The following RGPD3 variants were observed in gnomAD, a reference collection of about 807,000 sequenced individuals.
RGPD3 encodes the protein ranBP2-like and GRIP domain-containing protein 3.
A neutral mutation model predicts 154.5 loss-of-function variants in RGPD3; 62 were observed. That is an observed-to-expected ratio of 0.40 (90% CI 0.33 to 0.50). The LOEUF (loss-of-function observed/expected upper bound fraction) is 0.50, where lower values mean the gene tolerates loss of function less well. Among genes scored for constraint, RGPD3 ranks in the 20% least tolerant of loss-of-function variants. The pLI is 0.59. For synonymous variants in RGPD3, 308 were observed against 607.0 expected (o/e 0.51, Z 7.24); for missense variants, 919 against 1,716.8 (o/e 0.54, Z 8.21).
Position 106,405,214 on chromosome 2 carries a change from G to A in RGPD3, c.*5C>T, listed in dbSNP as rs778899837. ...GGATGCCCATCCAGAAGAACGGGAA[G>A]CATTTTATTCCTCACCTTTGGAAAG... On this transcript the variant is annotated 3_prime_UTR_variant, in exon 23 of 23. Coordinates refer to ENST00000409886, the MANE Select transcript of RGPD3 (RefSeq NM_001144013.2). The A allele has an allele frequency of 3.9e-5, 62 of 1,609,282 alleles. No homozygotes were observed. The South Asian group carries it at 6.4e-4, about 16-fold the overall frequency.
At chr2:106,467,098 GC>G (rs1678637676) in intron 1 of RGPD3, among the ~76,000 whole-genome samples, 1 of 107,180 alleles carries the variant, frequency 9.3e-6, no homozygotes, top group Non-Finnish European at 2.0e-5. Flanking sequence ...CCGCCGCAGG[GC>G]CAGGTCGAGG....
chr2:106,468,112 C>G (rs1678696156), intron 1 of RGPD3, 105 bp downstream of exon 1: 3 of 1,424,888 alleles, frequency 2.1e-6, no homozygotes, highest in East Asian at 5.6e-5. Context: ...GGGAGCAGCG[C>G]TCGTCGGGAG....
At chr2:106,437,647 G>C (rs1389651504) in intron 9 of RGPD3, among the ~76,000 whole-genome samples, 3 of 152,144 alleles carry the variant, frequency 2.0e-5, no homozygotes, top group Admixed American at 2.0e-4. Flanking sequence ...CTGTTTATAG[G>C]TATCTCTATG....
intron 20 of RGPD3, among the ~76,000 whole-genome samples, chr2:106,421,648 C>T (rs1204066344): frequency 2.0e-5 from 3 of 152,100 alleles, no homozygotes; most frequent in African/African-American, 7.2e-5. Context: ...CTGTAGAATG[C>T]TGGCTGTTAA....
At chr2:106,414,882 G>A (rs1676777919) in intron 21 of RGPD3, among the ~76,000 whole-genome samples, 1 of 151,872 alleles carries the variant, frequency 6.6e-6, no homozygotes, top group African/African-American at 2.4e-5. Flanking sequence ...CAAAGTACAG[G>A]GGAAAAGCAT....
At chr2:106,422,061 T>A (rs1573250027) in intron 20 of RGPD3, among the ~76,000 whole-genome samples, 1 of 152,162 alleles carries the variant, frequency 6.6e-6, no homozygotes, top group East Asian at 1.9e-4. Context: ...ATACTGAGAA[T>A]GCTAGTTCTA....
Position 106,468,378 on chromosome 2 carries a change from A to C in RGPD3, c.-90T>G. 3 of 1,544,504 alleles carry C rather than the reference A, an allele frequency of 1.9e-6. No homozygotes were observed. The highest frequency in any genetic ancestry group is 2.6e-6 in the Non-Finnish European group (3 of 1,143,762). On this transcript the variant is annotated 5_prime_UTR_variant, in exon 1 of 23. Transcript: ENST00000409886. ...TCCAAGAGGAAAGCGCCTGAAAGCC[A>C]CTGAGGCAGCGGCGTAGCCGGCGGA...
chr2:106,467,095 A>C (rs1205888284), intron 1 of RGPD3, among the ~76,000 whole-genome samples: 623 of 61,740 alleles, frequency 0.01, no homozygotes, highest in South Asian at 0.013. Flanking sequence ...AGGCCGCCGC[A>C]GGGCCAGGTC....
At chr2:106,421,480 G>T (rs1453118549) in intron 20 of RGPD3, among the ~76,000 whole-genome samples, 1 of 151,150 alleles carries the variant, frequency 6.6e-6, no homozygotes, top group African/African-American at 2.4e-5. Flanking sequence ...CTTTATCATT[G>T]TACTTGTTTG....
chr2:106,425,158 T>A lies in RGPD3; in HGVS notation c.2809A>T (p.Ser937Cys). The A allele has an allele frequency of 1.2e-5, 20 of 1,611,932 alleles. No individual in the cohort carries two copies. Among genetic ancestry groups the A allele is most frequent in the Non-Finnish European group, 1.7e-5 (20 of 1,179,838 alleles). Residue 937 changes from serine (S) to cysteine (C), a missense_variant, in exon 20 of 23, where the codon AGT (serine) becomes TGT (cysteine). Ser to Cys is a moderately radical substitution (Grantham distance 112). Transcript: ENST00000409886. Reference protein sequence around the residue: ...ISEPGNQEKKSEKPLENDTGL... With the variant: ...ISEPGNQEKKCEKPLENDTGL... The stretch of plus-strand genomic sequence containing the variant: ...GTATCATTTTCAAGAGGCTTTTCAC[T>A]TTTCTTTTCTTGATTTCCTGGTTCC...
At chr2:106,446,872 C>G (rs1677955272) in intron 7 of RGPD3, among the ~76,000 whole-genome samples, 1 of 151,148 alleles carries the variant, frequency 6.6e-6, no homozygotes, top group Admixed American at 6.6e-5. Flanking sequence ...CAGAGAGAGA[C>G]TTGGTCTCAA....
chr2:106,440,269 G>A (rs1455518113), intron 8 of RGPD3, among the ~76,000 whole-genome samples: 3 of 103,666 alleles, frequency 2.9e-5, no homozygotes, highest in African/African-American at 7.7e-5. Context: ...TGGGTGAAGC[G>A]TATGGTATAC....
intron 22 of RGPD3, among the ~76,000 whole-genome samples, chr2:106,406,871 T>A (rs1025162178): frequency 2.0e-5 from 3 of 152,206 alleles, no homozygotes; most frequent in African/African-American, 4.8e-5. Context: ...AACTTTTACA[T>A]GGGGAAATTT....
upstream of RGPD3, chr2:106,470,790 C>G: frequency 1.3e-6 from 2 of 1,597,328 alleles, no homozygotes; most frequent in Non-Finnish European, 1.7e-6. Context: ...AACACCTAGT[C>G]CTTTTCTTAC....
At chr2:106,417,807 A>G (rs1436538578) in intron 20 of RGPD3, among the ~76,000 whole-genome samples, 1 of 151,530 alleles carries the variant, frequency 6.6e-6, no homozygotes, top group Non-Finnish European at 1.5e-5. Context: ...TGAAAGGTGT[A>G]TGAAGAATTG....
chr2:106,404,819 C>T lies in RGPD3; in HGVS notation c.*400G>A, dbSNP rs1487522784. Among the ~76,000 whole-genome samples the T allele has an allele frequency of 8.7e-5, 11 of 126,446 alleles. No homozygotes were observed. Among genetic ancestry groups the T allele is most frequent in the African/African-American group, 2.9e-4 (10 of 34,278 alleles). 83.0% of individuals were successfully genotyped at this position (126,446 alleles called of 152,430 possible). ...GCCTAAATTCCAGTTGGTATGGTACCAAAATTTAGTTTAACTTCAAAATTC... is the reference window on the plus strand; with the variant it reads ...GCCTAAATTCCAGTTGGTATGGTACTAAAATTTAGTTTAACTTCAAAATTC... On this transcript the variant is annotated 3_prime_UTR_variant, in exon 23 of 23. Coordinates refer to ENST00000409886, the MANE Select transcript of RGPD3 (RefSeq NM_001144013.2).
At chr2:106,405,579 T>C (rs1443495349) in intron 22 of RGPD3, among the ~76,000 whole-genome samples, 5 of 152,138 alleles carry the variant, frequency 3.3e-5, no homozygotes, top group Non-Finnish European at 5.9e-5. Context: ...GGTCTCACTG[T>C]TTTCCAGGCT....
chr2:106,410,184 C>T (rs1291970375), intron 22 of RGPD3, among the ~76,000 whole-genome samples: 3 of 152,072 alleles, frequency 2.0e-5, no homozygotes, highest in Admixed American at 1.3e-4. Flanking sequence ...CTTACATTCT[C>T]TCTCTTAAAG....
intron 17 of RGPD3, among the ~76,000 whole-genome samples, chr2:106,431,937 C>T (rs1241956752): frequency 1.3e-5 from 2 of 148,626 alleles, no homozygotes; most frequent in African/African-American, 2.5e-5. Flanking sequence ...AAGCTCAGAC[C>T]ACTTTTCAAT....
Sources: gnomAD v4.1 joint callset for allele counts (sites outside exome capture counted in the v4.1 genomes callset) on GRCh38, gnomAD v4.1.1 for gene constraint, MANE v1.5 for transcripts, NCBI Gene and HGNC (gene_info 2026-07-23, HGNC 2026-07-21) for gene names.